EVA1C: variants seen among roughly 807,000 people sequenced by gnomAD.
EVA1C encodes the protein protein eva-1 homolog C.
In EVA1C, 25 loss-of-function variants were observed where a neutral mutation model predicts 45.4. The ratio of observed to expected loss-of-function variants is 0.55; its 90% CI spans 0.40 to 0.77. EVA1C has a LOEUF of 0.77. Among genes scored for constraint, EVA1C ranks in the 30% least tolerant of loss-of-function variants. The pLI, the probability that EVA1C is intolerant of heterozygous loss-of-function variation, is 0.00. For missense variants in EVA1C, 479 were observed against 554.8 expected (o/e 0.86, Z 1.37); for synonymous variants, 190 against 221.2 (o/e 0.86, Z 1.25).
chr21:32,472,249 C>T (rs1158690725), intron 4 of EVA1C, among the ~76,000 whole-genome samples: 1 of 152,166 alleles, frequency 6.6e-6, no homozygotes, highest in African/African-American at 2.4e-5. Flanking sequence ...ACCTCCACCT[C>T]CCGGGTTCAG....
At chr21:32,471,466 C>T (rs150617300) in intron 4 of EVA1C, among the ~76,000 whole-genome samples, 2,305 of 151,890 alleles carry the variant, frequency 0.015, 28 homozygotes, top group Non-Finnish European at 0.024. Flanking sequence ...GCTGGGATTA[C>T]ATGTGCATGC....
At chr21:32,496,795 A>G in intron 5 of EVA1C, 1 of 759,290 alleles carries the variant, frequency 1.3e-6, no homozygotes, top group Non-Finnish European at 2.4e-6. Flanking sequence ...TGGGGCCGCC[A>G]TAGCCCTGGG....
intron 1 of EVA1C, among the ~76,000 whole-genome samples, chr21:32,436,010 C>T (rs1039943996): frequency 6.6e-6 from 1 of 152,240 alleles, no homozygotes; most frequent in Non-Finnish European, 1.5e-5. Context: ...CTCACAGAAA[C>T]AGTGAGACGT....
intron 1 of EVA1C, among the ~76,000 whole-genome samples, chr21:32,430,779 C>T (rs1186552565): frequency 1.3e-5 from 2 of 151,960 alleles, no homozygotes; most frequent in Non-Finnish European, 2.9e-5. Context: ...TTGAGACTAG[C>T]CTGGCCAACA....
chr21:32,507,407 CATGTGTGTGT>C (rs1369598200), intron 7 of EVA1C, among the ~76,000 whole-genome samples: 1 of 105,860 alleles, frequency 9.4e-6, no homozygotes, highest in African/African-American at 5.1e-5. Flanking sequence ...TGAGCATGTG[CATGTGTGTGT>C]ATGTGTGCAC....
chr21:32,434,941 C>T (rs1169359526), intron 1 of EVA1C, among the ~76,000 whole-genome samples: 1 of 152,294 alleles, frequency 6.6e-6, no homozygotes, highest in Admixed American at 6.5e-5. Flanking sequence ...CCCATATAAA[C>T]TCTTCATTTA....
chr21:32,492,372 G>A (rs2037190978), intron 4 of EVA1C, among the ~76,000 whole-genome samples: 1 of 152,102 alleles, frequency 6.6e-6, no homozygotes, highest in Admixed American at 6.5e-5. Context: ...GGAGGATACA[G>A]GATGGGAGGA....
intron 4 of EVA1C, among the ~76,000 whole-genome samples, chr21:32,480,927 C>T (rs1390871310): frequency 6.6e-6 from 1 of 150,600 alleles, no homozygotes; most frequent in African/African-American, 2.5e-5. Flanking sequence ...CGTGCCACTG[C>T]ACACCAGCCT....
chr21:32,445,245 T>C (rs2035322624), intron 1 of EVA1C, among the ~76,000 whole-genome samples: 2 of 152,194 alleles, frequency 1.3e-5, no homozygotes, highest in South Asian at 2.1e-4. Context: ...TAAACAATAG[T>C]GCAGAGGAAG....
chr21:32,504,703 T>C (rs1480159667), intron 7 of EVA1C, among the ~76,000 whole-genome samples: 2 of 152,294 alleles, frequency 1.3e-5, no homozygotes, highest in African/African-American at 4.8e-5. Context: ...ACCAGAGACC[T>C]TCAGTAAAAT....
chr21:32,425,671 C>T (rs897028750), intron 1 of EVA1C, among the ~76,000 whole-genome samples: 2 of 152,188 alleles, frequency 1.3e-5, no homozygotes, highest in African/African-American at 4.8e-5. Flanking sequence ...GATCTTTACC[C>T]AGTGAACATT....
chr21:32,423,864 G>A (rs1391160639), intron 1 of EVA1C, among the ~76,000 whole-genome samples: 2 of 152,194 alleles, frequency 1.3e-5, no homozygotes, highest in East Asian at 3.9e-4. Context: ...ATGTATGTTT[G>A]TGAACAGTCT....
At chr21:32,471,567 C>T (rs1292561389) in intron 4 of EVA1C, among the ~76,000 whole-genome samples, 5 of 152,012 alleles carry the variant, frequency 3.3e-5, no homozygotes, top group East Asian at 1.9e-4. Context: ...CTCAGGTGAT[C>T]CACCCACCCT....
intron 1 of EVA1C, among the ~76,000 whole-genome samples, chr21:32,445,332 A>G (rs904946203): frequency 2.0e-5 from 3 of 152,222 alleles, no homozygotes; most frequent in Non-Finnish European, 4.4e-5. Context: ...ACATCTGTGG[A>G]TAAGCTATCA....
intron 4 of EVA1C, among the ~76,000 whole-genome samples, chr21:32,479,847 CT>C (rs111331782): frequency 1.6e-3 from 235 of 146,658 alleles, no homozygotes; most frequent in Non-Finnish European, 2.5e-3. Flanking sequence ...CCCAGCTACT[CT>C]TTTTTTTTTT....
At chr21:32,512,920 T>C (rs1289443152) in intron 7 of EVA1C, among the ~76,000 whole-genome samples, 2 of 151,814 alleles carry the variant, frequency 1.3e-5, no homozygotes, top group African/African-American at 2.4e-5. Context: ...GGGAGGAAGA[T>C]GAAAGTGAAG....
chr21:32,453,078 C>G, intron 1 of EVA1C: 1 of 465,634 alleles, frequency 2.1e-6, no homozygotes, highest in Non-Finnish European at 3.9e-6. Context: ...CCCTTCTCTA[C>G]CCAGCACTCC....
intron 1 of EVA1C, among the ~76,000 whole-genome samples, chr21:32,451,988 A>T (rs909519770): frequency 2.0e-5 from 3 of 152,140 alleles, no homozygotes; most frequent in Non-Finnish European, 4.4e-5. Context: ...ACGCCCTTGG[A>T]GCAGGCCCCT....
At chr21:32,447,535 T>C (rs983224214) in intron 1 of EVA1C, among the ~76,000 whole-genome samples, 2 of 147,884 alleles carry the variant, frequency 1.4e-5, no homozygotes, top group African/African-American at 5.1e-5. Flanking sequence ...TGTTTCTCTT[T>C]TTTTTTTTTG....
Sources: allele counts gnomAD v4.1 joint callset (sites outside exome capture counted in the v4.1 genomes callset), GRCh38; gene constraint gnomAD v4.1.1; transcripts MANE v1.5; gene names NCBI Gene and HGNC (gene_info 2026-07-23, HGNC 2026-07-21).